KLHL4: variants seen among roughly 807,000 people sequenced by gnomAD.
KLHL4 encodes the protein kelch-like protein 4.
A neutral mutation model predicts 45.8 loss-of-function variants in KLHL4; 17 were observed. That is an observed-to-expected ratio of 0.37 (90% CI 0.25 to 0.56). The LOEUF (loss-of-function observed/expected upper bound fraction) is 0.56. KLHL4 is among the 20% of genes least tolerant of loss of function. KLHL4 has a pLI of 0.79. For synonymous variants in KLHL4, 224 were observed against 189.9 expected, an observed-to-expected ratio of 1.18 and a Z score of -1.47; for missense variants, 544 against 544.9, an observed-to-expected ratio of 1.00 and a Z score of 0.02.
chrX:87,659,475 T>C (rs1172695513), intron 9 of KLHL4, among the ~76,000 whole-genome samples: 1 of 111,647 alleles, frequency 9.0e-6, no homozygotes, highest in African/African-American at 3.3e-5. Context: ...GACCTATCTT[T>C]AAGTTCACTT....
chrX:87,573,453 G>A (rs1039467701), intron 1 of KLHL4, among the ~76,000 whole-genome samples: 3 of 111,097 alleles, frequency 2.7e-5, no homozygotes, highest in Non-Finnish European at 3.8e-5. Context: ...AAGTGAACAA[G>A]ATAACTTCAA....
chrX:87,627,394 C>T (rs756528934), intron 6 of KLHL4, among the ~76,000 whole-genome samples: 1 of 111,181 alleles, frequency 9.0e-6, no homozygotes, highest in South Asian at 3.7e-4. Context: ...TGAAGTCCTA[C>T]TGGAATCACA....
chrX:87,601,798 A>G (rs1922026506), intron 1 of KLHL4, among the ~76,000 whole-genome samples: 2 of 111,441 alleles, frequency 1.8e-5, no homozygotes, highest in South Asian at 7.6e-4. Flanking sequence ...ATAGCAGTTC[A>G]TATGCTTTGG....
At chrX:87,644,564 T>G (rs1302806452) in intron 9 of KLHL4, among the ~76,000 whole-genome samples, 1 of 111,197 alleles carries the variant, frequency 9.0e-6, no homozygotes, top group East Asian at 2.8e-4. Flanking sequence ...ATTCTAAAAT[T>G]CATATGGAAC....
intron 1 of KLHL4, among the ~76,000 whole-genome samples, chrX:87,564,054 G>T (rs1932158245): frequency 9.0e-6 from 1 of 110,617 alleles, no homozygotes; most frequent in Non-Finnish European, 1.9e-5. Context: ...TAAAAGTTCT[G>T]CAGTACAAAA....
chrX:87,543,409 C>G (rs964428019), intron 1 of KLHL4, among the ~76,000 whole-genome samples: 1 of 111,216 alleles, frequency 9.0e-6, no homozygotes, highest in Non-Finnish European at 1.9e-5. Flanking sequence ...ATCAGGGAAG[C>G]ACTCACAATA....
chrX:87,647,397 A>G (rs1241058520), intron 9 of KLHL4, among the ~76,000 whole-genome samples: 4 of 112,081 alleles, frequency 3.6e-5, no homozygotes, highest in African/African-American at 1.3e-4. Context: ...ATCTATCGAG[A>G]GGAAAAGAAG....
chrX:87,665,427 A>G (rs1054066884), intron 10 of KLHL4, among the ~76,000 whole-genome samples: 2 of 110,907 alleles, frequency 1.8e-5, no homozygotes, highest in Non-Finnish European at 3.8e-5. Context: ...ATACTCCTAA[A>G]TTCTTCAGTC....
At chrX:87,646,916 C>T (rs1392224995) in intron 9 of KLHL4, among the ~76,000 whole-genome samples, 3 of 111,285 alleles carry the variant, frequency 2.7e-5, no homozygotes, top group Admixed American at 9.5e-5. Flanking sequence ...AACTAAAAAG[C>T]TTCTGCACAG....
In KLHL4 at chrX:87,669,344, C is replaced by T. The variant is rs970558245; in HGVS notation, c.*2810C>T. ...ATTTCCACAGAGCATGCAAGAACTT[C>T]TACAAAACTTCTATACCACACAGAA... On this transcript the variant is annotated 3_prime_UTR_variant, in exon 11 of 11. Transcript: ENST00000373119. 2 of 1,207,978 alleles carry T rather than the reference C, an allele frequency of 1.7e-6. No individual in the cohort carries two copies. Among genetic ancestry groups the T allele is most frequent in the Non-Finnish European group, 1.1e-6 (1 of 892,636 alleles).
intron 5 of KLHL4, among the ~76,000 whole-genome samples, chrX:87,625,356 A>G (rs1016294292): frequency 8.9e-6 from 1 of 111,733 alleles, no homozygotes; most frequent in Middle Eastern, 4.2e-3. Flanking sequence ...TTAGCCTACA[A>G]GTAGCTGGGA....
At chrX:87,635,533 A>G in intron 8 of KLHL4, 30 bp from the exon 9 acceptor site, 1 of 1,103,229 alleles carries the variant, frequency 9.1e-7, no homozygotes, top group Non-Finnish European at 1.3e-6. Context: ...ACACACATAT[A>G]CATACACACA....
intron 9 of KLHL4, among the ~76,000 whole-genome samples, chrX:87,658,583 C>T (rs1041280742): frequency 2.1e-4 from 23 of 111,366 alleles, no homozygotes; most frequent in African/African-American, 7.2e-4. Flanking sequence ...GAGACACTTT[C>T]TCCCCATCTC....
At chrX:87,624,727 C>A (rs1368057085) in intron 5 of KLHL4, among the ~76,000 whole-genome samples, 1 of 112,077 alleles carries the variant, frequency 8.9e-6, no homozygotes, top group Non-Finnish European at 1.9e-5. Context: ...CAATTCATCT[C>A]ATGAAAAATA....
chrX:87,561,408 C>T (rs988253429), intron 1 of KLHL4, among the ~76,000 whole-genome samples: 8 of 111,215 alleles, frequency 7.2e-5, no homozygotes, highest in Admixed American at 9.6e-5. Flanking sequence ...CACATTGGAA[C>T]GCAGTGCCGA....
intron 1 of KLHL4, among the ~76,000 whole-genome samples, chrX:87,554,877 T>G (rs113554585): frequency 0.23 from 23,177 of 101,174 alleles, 2,061 homozygotes; most frequent in South Asian, 0.28. Flanking sequence ...CTCTTATTAT[T>G]TTGAGATACG....
At chrX:87,574,260 G>A (rs5969264) in intron 1 of KLHL4, among the ~76,000 whole-genome samples, 26,950 of 110,644 alleles carry the variant, frequency 0.24, 2,755 homozygotes, top group East Asian at 0.51. Context: ...TATAGAACAA[G>A]TGCTAAAGAA....
intron 1 of KLHL4, among the ~76,000 whole-genome samples, chrX:87,565,342 A>T (rs1932183447): frequency 8.9e-6 from 1 of 111,965 alleles, no homozygotes; most frequent in Non-Finnish European, 1.9e-5. Context: ...ACTCAATTGA[A>T]CTAAAATTTA....
rs776027105 is a variant in KLHL4, at chrX:87,626,982, G to A, written c.1324+1186G>A. 5.4e-5 allele frequency among the ~76,000 whole-genome samples: 6 copies of A among 111,893 alleles called. No individual in the cohort carries two copies. In the South Asian group the frequency reaches 1.5e-3, roughly 28 times the overall value. Reference sequence around the variant, plus strand: ...TTCCATTTGTAGAAGGAATGTGGGGGCTTTAAAGAGAGAGTTTGGAATGCA... The same window carrying A: ...TTCCATTTGTAGAAGGAATGTGGGGACTTTAAAGAGAGAGTTTGGAATGCA... On this transcript the variant is annotated intron_variant, in intron 6 of 10. Coordinates refer to ENST00000373119, the MANE Select transcript of KLHL4 (RefSeq NM_019117.5).
Sources: gnomAD v4.1 joint callset for allele counts (sites outside exome capture counted in the v4.1 genomes callset) on GRCh38, gnomAD v4.1.1 for gene constraint, MANE v1.5 for transcripts, NCBI Gene and HGNC (gene_info 2026-07-23, HGNC 2026-07-21) for gene names.